The following VWA3B variants were observed in gnomAD, a reference collection of about 807,000 sequenced individuals.
VWA3B encodes von Willebrand factor A domain-containing protein 3B.
Under a neutral mutation model 158.3 loss-of-function variants are expected in VWA3B, and 138 were observed. The observed-to-expected ratio is 0.87, with a 90% CI of 0.76 to 1.00. The LOEUF (loss-of-function observed/expected upper bound fraction) is 1.00. Ranked by LOEUF, VWA3B falls within the 50% of genes least tolerant of loss-of-function variation. The pLI is 0.00. For missense variants in VWA3B, 1,555 were observed against 1,565.1 expected (o/e 0.99, Z 0.11); for synonymous variants, 596 against 587.3 (o/e 1.01, Z -0.21).
intron 26 of VWA3B, among the ~76,000 whole-genome samples, chr2:98,304,823 G>GCACC (rs1690416866): frequency 6.6e-6 from 1 of 151,974 alleles, no homozygotes; most frequent in Non-Finnish European, 1.5e-5. Context: ...CACACACGCA[G>GCACC]CACCCACAAA....
At chr2:98,256,035 T>C in intron 20 of VWA3B, 89 bp from the exon 21 acceptor site, 1 of 1,430,922 alleles carries the variant, frequency 7.0e-7, no homozygotes, top group Non-Finnish European at 9.8e-7. Context: ...GATGCTTAGA[T>C]GGGCTCCCAC....
At chr2:98,113,722 T>G (rs1293825191) in intron 2 of VWA3B, among the ~76,000 whole-genome samples, 1 of 152,226 alleles carries the variant, frequency 6.6e-6, no homozygotes, top group Non-Finnish European at 1.5e-5. Context: ...CTCTATAGAT[T>G]TGCTTGTTTT....
chr2:98,158,296 G>T (rs1678266710), intron 7 of VWA3B, among the ~76,000 whole-genome samples: 1 of 152,066 alleles, frequency 6.6e-6, no homozygotes, highest in African/African-American at 2.4e-5. Context: ...TTACCATCCA[G>T]TTGGCAAAGT....
At chr2:98,148,554 C>G (rs1430322506) in intron 7 of VWA3B, among the ~76,000 whole-genome samples, 1 of 152,122 alleles carries the variant, frequency 6.6e-6, no homozygotes, top group Non-Finnish European at 1.5e-5. Context: ...TCTATAAATC[C>G]TGCAGTTCCT....
intron 22 of VWA3B, 66 bp downstream of exon 22, chr2:98,270,949 C>A: frequency 6.7e-7 from 1 of 1,494,572 alleles, no homozygotes; most frequent in Non-Finnish European, 9.2e-7. Flanking sequence ...GCCATTCCTA[C>A]ATTGGCTTCC....
At chr2:98,162,187 A>G (rs570334795) in intron 7 of VWA3B, among the ~76,000 whole-genome samples, 4 of 148,864 alleles carry the variant, frequency 2.7e-5, no homozygotes, top group African/African-American at 7.5e-5. Flanking sequence ...ACATCTAGAA[A>G]CTGCTGATCT....
rs1041385040 is a variant in VWA3B, at chr2:98,186,564, G to A, written c.1312-1411G>A. 5.9e-5 allele frequency among the ~76,000 whole-genome samples: 9 copies of A among 151,328 alleles called. No homozygotes were observed. In the South Asian group the frequency reaches 8.4e-4, roughly 14 times the overall value. ...ATTGATTGCAACTCCACCCTTTCCC[G>A]TCCCGGCCTGAAAACCTCAGGGTCA... is the stretch of plus-strand genomic sequence containing the variant. On this transcript the variant is annotated intron_variant, in intron 9 of 27. Coordinates refer to ENST00000477737, the MANE Select transcript of VWA3B (RefSeq NM_144992.5).
chr2:98,216,847 A>G, intron 13 of VWA3B: 1 of 940,228 alleles, frequency 1.1e-6, no homozygotes, highest in Non-Finnish European at 1.5e-6. Context: ...TAGACAGGAC[A>G]TGCCCTAGGC....
chr2:98,299,982 A>G, intron 24 of VWA3B, 97 bp from the exon 25 acceptor site: 2 of 1,472,622 alleles, frequency 1.4e-6, no homozygotes, highest in South Asian at 2.4e-5. Flanking sequence ...TAGCATCAGT[A>G]CTTGCCAATT....
At chr2:98,197,492 T>A (rs1682150888) in intron 12 of VWA3B, among the ~76,000 whole-genome samples, 1 of 152,218 alleles carries the variant, frequency 6.6e-6, no homozygotes, top group Non-Finnish European at 1.5e-5. Context: ...ATGTGGATCA[T>A]CCTTACAACA....
intron 19 of VWA3B, among the ~76,000 whole-genome samples, chr2:98,243,877 A>G (rs893069836): frequency 2.0e-5 from 3 of 152,198 alleles, no homozygotes; most frequent in Admixed American, 6.5e-5. Context: ...CATTACACAC[A>G]TCCAATCAGA....
At chr2:98,255,162 C>T (rs542020533) in intron 20 of VWA3B, among the ~76,000 whole-genome samples, 29 of 150,098 alleles carry the variant, frequency 1.9e-4, no homozygotes, top group East Asian at 1.8e-3. Context: ...TACAGTCGCC[C>T]GCCACCACGC....
chr2:98,302,330 T>A (rs1225442340), intron 25 of VWA3B, among the ~76,000 whole-genome samples: 5 of 152,174 alleles, frequency 3.3e-5, no homozygotes, highest in Non-Finnish European at 7.3e-5. Flanking sequence ...AACCTCTCAA[T>A]CCTTGAAGGC....
At chr2:98,246,419 C>T (rs1478074992) in intron 19 of VWA3B, among the ~76,000 whole-genome samples, 1 of 151,874 alleles carries the variant, frequency 6.6e-6, no homozygotes, top group Non-Finnish European at 1.5e-5. Flanking sequence ...ACTCTGTTGC[C>T]CAGGCTGGAG....
chr2:98,233,509 C>A (rs1558706312), intron 16 of VWA3B, among the ~76,000 whole-genome samples: 1 of 152,170 alleles, frequency 6.6e-6, no homozygotes, highest in Non-Finnish European at 1.5e-5. Flanking sequence ...AGGAGCTCAG[C>A]TCTCTGATTT....
intron 10 of VWA3B, among the ~76,000 whole-genome samples, chr2:98,191,922 C>T (rs1049929099): frequency 6.6e-6 from 1 of 152,204 alleles, no homozygotes; most frequent in African/African-American, 2.4e-5. Flanking sequence ...CATACTCTTT[C>T]CTTACCTCCA....
chr2:98,292,964 C>CA lies in VWA3B; in HGVS notation c.3157+2352dup, dbSNP rs1222646973. Among the ~76,000 whole-genome samples, 154 of 143,340 alleles carry CA rather than the reference C, an allele frequency of 1.1e-3. No homozygotes were observed. In the East Asian group the frequency reaches 0.014, roughly 13 times the overall value. 94.0% of individuals were successfully genotyped at this position (143,340 alleles called of 152,430 possible). A position where few individuals can be genotyped will look rare whatever the true frequency, so the allele number is the denominator to read the frequency against. The stretch of plus-strand genomic sequence containing the variant: ...GGGAGACAGAGTGAGACTCTATCTC[C>CA]AAAAAAAAAAGAGAGAGAAAAGAAA... On this transcript the variant is annotated intron_variant, in intron 23 of 27. Coordinates refer to ENST00000477737, the MANE Select transcript of VWA3B (RefSeq NM_144992.5).
chr2:98,312,117 T>C, intron 27 of VWA3B, 83 bp from the exon 28 acceptor site: 1 of 1,613,310 alleles, frequency 6.2e-7, no homozygotes, highest in Non-Finnish European at 8.5e-7. Context: ...CCTAACATCG[T>C]CCTTCAGATT....
chr2:98,130,073 G>C (rs182168098), intron 6 of VWA3B, among the ~76,000 whole-genome samples: 1 of 152,134 alleles, frequency 6.6e-6, no homozygotes, highest in Non-Finnish European at 1.5e-5. Context: ...GATCATTATC[G>C]GGTGTGGCAG....
Sources: gnomAD v4.1 joint callset for allele counts (sites outside exome capture counted in the v4.1 genomes callset) on GRCh38, gnomAD v4.1.1 for gene constraint, MANE v1.5 for transcripts, NCBI Gene and HGNC (gene_info 2026-07-23, HGNC 2026-07-21) for gene names.